Variants in GPHN observed in about 807,000 individuals in gnomAD.
GPHN encodes the protein gephyrin.
A neutral mutation model predicts 95.5 loss-of-function variants in GPHN; 17 were observed. That is an observed-to-expected ratio of 0.18 (90% CI 0.12 to 0.27). The LOEUF is 0.27. Ranked by LOEUF, GPHN falls within the 10% of genes least tolerant of loss-of-function variation. The pLI is 1.00. For missense variants in GPHN, 660 were observed against 978.1 expected (o/e 0.67, Z 4.34); for synonymous variants, 320 against 322.5 (o/e 0.99, Z 0.08).
chr14:67,461,812 G>T, the GPHN span, among the ~76,000 whole-genome samples: 3 of 152,250 alleles, frequency 2.0e-5, no homozygotes, highest in African/African-American at 7.2e-5. Flanking sequence ...CAGATTGAGT[G>T]AAAGTCAGCA....
chr14:67,136,638 G>A lies in GPHN; in HGVS notation c.1749-6724G>A, dbSNP rs74636387. 2.5e-4 allele frequency among the ~76,000 whole-genome samples: 38 copies of A among 152,202 alleles called. No individual in the cohort carries two copies. In the East Asian group the frequency reaches 7.1e-3, roughly 29 times the overall value. On this transcript the variant is annotated intron_variant, in intron 17 of 22. Coordinates refer to ENST00000478722, the MANE Select transcript of GPHN (RefSeq NM_020806.5). ...ATAATACCCCCTTCCCCAAAAAAAT[G>A]ATACTAGTTTTTCAGGATCATCTAG... is the stretch of plus-strand genomic sequence containing the variant.
At chr14:67,449,713 C>T in the GPHN span, among the ~76,000 whole-genome samples, 1 of 152,084 alleles carries the variant, frequency 6.6e-6, no homozygotes, top group African/African-American at 2.4e-5. Context: ...GGGAGGAACC[C>T]AGTGGGAGAT....
At chr14:67,472,878 C>A in the GPHN span, 1 of 161,208 alleles carries the variant, frequency 6.2e-6, no homozygotes, top group Admixed American at 5.8e-5. Context: ...GGGAGGGTCT[C>A]CCAGCCCTTG....
At chr14:66,709,737 A>C (rs1273298701) in intron 2 of GPHN, among the ~76,000 whole-genome samples, 1 of 152,198 alleles carries the variant, frequency 6.6e-6, no homozygotes, top group Non-Finnish European at 1.5e-5. Flanking sequence ...GTCTTTCCTT[A>C]ATGAAGTCAC....
intron 1 of GPHN, among the ~76,000 whole-genome samples, chr14:66,606,420 T>A (rs2062538207): frequency 1.3e-5 from 2 of 151,948 alleles, no homozygotes; most frequent in African/African-American, 4.8e-5. Context: ...TGAAGTCAGG[T>A]AGTGTTCTTT....
chr14:66,990,482 AC>A (rs1440487976), intron 9 of GPHN, among the ~76,000 whole-genome samples: 1 of 152,160 alleles, frequency 6.6e-6, no homozygotes, highest in Non-Finnish European at 1.5e-5. Context: ...CGCGTCTTCT[AC>A]CCTTAGTTAT....
intron 17 of GPHN, among the ~76,000 whole-genome samples, chr14:67,133,164 CT>C (rs33958192): frequency 0.16 from 23,712 of 149,706 alleles, 3,513 homozygotes; most frequent in East Asian, 0.43. Flanking sequence ...TATCTTTGAC[CT>C]CTGAAGAAAC....
the GPHN span, among the ~76,000 whole-genome samples, chr14:67,495,253 C>T: frequency 6.6e-6 from 1 of 152,162 alleles, no homozygotes; most frequent in South Asian, 2.1e-4. Context: ...GAAACATTTC[C>T]TCTTCCAATT....
At chr14:67,624,966 C>A in the GPHN span, among the ~76,000 whole-genome samples, 1 of 152,144 alleles carries the variant, frequency 6.6e-6, no homozygotes, top group African/African-American at 2.4e-5. Context: ...AACCAGGAGG[C>A]TGGCAGTTAC....
At chr14:66,982,989 G>A (rs1441130336) in intron 9 of GPHN, among the ~76,000 whole-genome samples, 15 of 151,980 alleles carry the variant, frequency 9.9e-5, no homozygotes, top group Admixed American at 5.9e-4. Context: ...GGTGGCTCAC[G>A]CCTGTAATCC....
At chr14:67,313,339 T>C in the GPHN span, among the ~76,000 whole-genome samples, 1 of 152,242 alleles carries the variant, frequency 6.6e-6, no homozygotes, top group South Asian at 2.1e-4. Context: ...GGTGATTTCA[T>C]TGTTGTGCAA....
chr14:66,527,012 C>G (rs2139884520), intron 1 of GPHN, among the ~76,000 whole-genome samples: 1 of 152,222 alleles, frequency 6.6e-6, no homozygotes, highest in Admixed American at 6.5e-5. Flanking sequence ...GGAGGATTCC[C>G]TCTTTTTCTA....
In GPHN at chr14:66,802,817, G is replaced by C. The variant is rs1305449824; in HGVS notation, c.202-21657G>C. 2.0e-5 allele frequency among the ~76,000 whole-genome samples: 3 copies of C among 152,066 alleles called. No individual in the cohort carries two copies. In the South Asian group the frequency reaches 6.2e-4, roughly 32 times the overall value. ...GCCCTATCCTGCTCTGGCTGAGCTG[G>C]TATCCCAGCTCCAAGACAAAGTCGT... On this transcript the variant is annotated intron_variant, in intron 3 of 22. Coordinates refer to ENST00000478722, the MANE Select transcript of GPHN (RefSeq NM_020806.5).
chr14:67,143,304 C>G, intron 17 of GPHN, 58 bp from the exon 18 acceptor site: 1 of 1,036,178 alleles, frequency 9.7e-7, no homozygotes, highest in Non-Finnish European at 1.5e-6. Flanking sequence ...TTTAAGTTGG[C>G]ACTATATCTA....
the GPHN span, among the ~76,000 whole-genome samples, chr14:67,254,888 C>T: frequency 2.0e-5 from 3 of 152,176 alleles, no homozygotes; most frequent in Non-Finnish European, 2.9e-5. Flanking sequence ...CAGTGGCTCA[C>T]ACCTGTAATC....
At chr14:67,339,059 G>A in the GPHN span, among the ~76,000 whole-genome samples, 24 of 144,064 alleles carry the variant, frequency 1.7e-4, no homozygotes, top group Middle Eastern at 3.7e-3. Flanking sequence ...AGTGGCGCAC[G>A]CAATCTTGGC....
chr14:67,496,400 T>TTTG, the GPHN span, among the ~76,000 whole-genome samples: 3 of 123,166 alleles, frequency 2.4e-5, no homozygotes, highest in Non-Finnish European at 5.1e-5. Flanking sequence ...CGTTTTTTTT[T>TTTG]TTTTTTTTTT....
At chr14:67,536,848 C>G in the GPHN span, among the ~76,000 whole-genome samples, 3 of 151,792 alleles carry the variant, frequency 2.0e-5, 1 homozygote, top group African/African-American at 7.3e-5. Context: ...TTTGACCAGA[C>G]TGGCCAACAT....
At chr14:66,605,432 G>C (rs2062475024) in intron 1 of GPHN, among the ~76,000 whole-genome samples, 1 of 151,068 alleles carries the variant, frequency 6.6e-6, no homozygotes, top group South Asian at 2.1e-4. Context: ...GTTTTGATTT[G>C]CATTTCTCTG....
Sources: gnomAD v4.1 joint callset for allele counts (sites outside exome capture counted in the v4.1 genomes callset) on GRCh38, gnomAD v4.1.1 for gene constraint, MANE v1.5 for transcripts, NCBI Gene and HGNC (gene_info 2026-07-23, HGNC 2026-07-21) for gene names.